The following SMG6 variants were observed in gnomAD, a reference collection of about 807,000 sequenced individuals.
SMG6 encodes the protein SMG6 nonsense mediated mRNA decay factor.
In SMG6, 66 loss-of-function variants were observed where a neutral mutation model predicts 142.2. The ratio of observed to expected loss-of-function variants is 0.46; its 90% CI spans 0.38 to 0.57. The LOEUF (loss-of-function observed/expected upper bound fraction) is 0.57. Among genes scored for constraint, SMG6 ranks in the 20% least tolerant of loss-of-function variants. SMG6 has a pLI of 0.00. For missense variants in SMG6, 1,793 were observed against 1,832.0 expected, an observed-to-expected ratio of 0.98 and a Z score of 0.39; for synonymous variants, 779 against 702.4, an observed-to-expected ratio of 1.11 and a Z score of -1.72.
intron 9 of SMG6, chr17:2,237,138 G>C (rs1459852075): frequency 6.6e-6 from 1 of 150,844 alleles, no homozygotes; most frequent in Non-Finnish European, 1.5e-5. Context: ...CCCAATCTCG[G>C]CTCACTGCAA....
chr17:2,206,888 A>AAAT (rs902149775), intron 10 of SMG6, among the ~76,000 whole-genome samples: 1 of 151,718 alleles, frequency 6.6e-6, no homozygotes, highest in African/African-American at 2.4e-5. Context: ...ACACCTTCTC[A>AAAT]AATAATAATA....
intron 13 of SMG6, among the ~76,000 whole-genome samples, chr17:2,172,197 C>G (rs559190796): frequency 6.6e-6 from 1 of 151,712 alleles, no homozygotes; most frequent in East Asian, 1.9e-4. Context: ...GTTTTTTTTT[C>G]TAAGTTAACA....
At chr17:2,196,385 G>A (rs753545127) in intron 10 of SMG6, among the ~76,000 whole-genome samples, 48 of 152,186 alleles carry the variant, frequency 3.2e-4, no homozygotes, top group Non-Finnish European at 5.7e-4. Flanking sequence ...CCGAGAATGC[G>A]TCATTGCGCT....
chr17:2,165,865 A>G (rs1227098320), intron 13 of SMG6, among the ~76,000 whole-genome samples: 1 of 152,110 alleles, frequency 6.6e-6, no homozygotes, highest in African/African-American at 2.4e-5. Flanking sequence ...TGATCACACC[A>G]CTGCATTCCA....
At chr17:2,186,521 T>G in intron 12 of SMG6, 142 bp downstream of exon 12, 2 of 891,334 alleles carry the variant, frequency 2.2e-6, no homozygotes, top group Non-Finnish European at 3.4e-6. Flanking sequence ...GGGAAGGTAT[T>G]CAAAAAAAGT....
intron 10 of SMG6, among the ~76,000 whole-genome samples, chr17:2,231,982 C>T (rs753632398): frequency 2.0e-5 from 3 of 151,516 alleles, no homozygotes; most frequent in South Asian, 4.2e-4. Context: ...GATTTATAGG[C>T]GGTATAATCC....
chr17:2,270,443 T>C (rs1443800496), intron 8 of SMG6, among the ~76,000 whole-genome samples: 1 of 151,626 alleles, frequency 6.6e-6, no homozygotes, highest in African/African-American at 2.4e-5. Context: ...CCTTCCTCTA[T>C]GAAAAATAAA....
chr17:2,243,836 C>T (rs1327257057), intron 9 of SMG6, among the ~76,000 whole-genome samples: 2 of 152,150 alleles, frequency 1.3e-5, no homozygotes, highest in Admixed American at 6.5e-5. Context: ...ATATTAGAAT[C>T]CAGTAGAAAA....
At chr17:2,087,264 C>G (rs936984109) in intron 13 of SMG6, 8 of 1,283,772 alleles carry the variant, frequency 6.2e-6, no homozygotes, top group Admixed American at 4.6e-5. Flanking sequence ...CTGGGTACCA[C>G]AGAGAGCAGA....
chr17:2,257,847 C>CA (rs1445580045), intron 8 of SMG6, among the ~76,000 whole-genome samples: 3 of 150,914 alleles, frequency 2.0e-5, no homozygotes, highest in Non-Finnish European at 3.0e-5. Context: ...CCCATCTCTA[C>CA]AAAAAAATAC....
At chr17:2,122,186 G>A (rs529437748) in intron 13 of SMG6, among the ~76,000 whole-genome samples, 3 of 152,142 alleles carry the variant, frequency 2.0e-5, no homozygotes, top group Non-Finnish European at 4.4e-5. Context: ...GGGAGAGAGA[G>A]AAATAAACAG....
chr17:2,174,995 G>T (rs1468550501), intron 12 of SMG6, among the ~76,000 whole-genome samples: 1 of 152,076 alleles, frequency 6.6e-6, no homozygotes, highest in East Asian at 1.9e-4. Flanking sequence ...TTATCCTCCG[G>T]TCCCGGCTGC....
intron 10 of SMG6, among the ~76,000 whole-genome samples, chr17:2,194,733 A>C (rs1210431290): frequency 6.6e-6 from 1 of 151,854 alleles, no homozygotes; most frequent in African/African-American, 2.4e-5. Context: ...AGAAAGAAAC[A>C]TCAAAAGAGG....
Position 2,282,773 on chromosome 17 carries a change from A to G in SMG6, c.2535T>C (p.His845=), listed in dbSNP as rs768030256. The change falls in exon 8 of 19, where the codon CAT becomes CAC. Residue 845 remains histidine (H), a synonymous_variant. Transcript: ENST00000263073. ...WRKGKKSTFR[H]VGDDTTRLEI... is the part of the protein sequence containing the mutation. ...CCAGGCGAGTGGTGTCATCTCCAAC[A>G]TGCCGGAAAGTAGACTTCTTTCCTT... 10 of 1,614,062 alleles carry G rather than the reference A, an allele frequency of 6.2e-6. No individual in the cohort carries two copies. The highest frequency in any genetic ancestry group is 2.5e-6 in the Non-Finnish European group (3 of 1,180,040).
intron 13 of SMG6, among the ~76,000 whole-genome samples, chr17:2,146,308 T>TTG (rs2070667070): frequency 6.6e-6 from 1 of 152,144 alleles, no homozygotes; most frequent in Admixed American, 6.5e-5. Flanking sequence ...TGAGCAGACT[T>TTG]TGTGACCATT....
intron 12 of SMG6, among the ~76,000 whole-genome samples, chr17:2,185,257 G>A (rs1411250246): frequency 2.0e-5 from 3 of 151,868 alleles, no homozygotes; most frequent in African/African-American, 7.3e-5. Flanking sequence ...CTAGACAAGC[G>A]CCCAGAGGCA....
At chr17:2,213,721 G>C (rs558971981) in intron 10 of SMG6, 4 of 152,316 alleles carry the variant, frequency 2.6e-5, no homozygotes, top group Non-Finnish European at 5.9e-5. Flanking sequence ...GATGGGCACT[G>C]CACAGACTGT....
At chr17:2,206,936 T>C (rs1434431874) in intron 10 of SMG6, among the ~76,000 whole-genome samples, 1 of 150,032 alleles carries the variant, frequency 6.7e-6, no homozygotes, top group Non-Finnish European at 1.5e-5. Context: ...CAAATAAAGA[T>C]GAAAGTAAAA....
chr17:2,103,331 G>A (rs920224323), intron 13 of SMG6, among the ~76,000 whole-genome samples: 2 of 152,124 alleles, frequency 1.3e-5, no homozygotes, highest in South Asian at 2.1e-4. Flanking sequence ...TTCAGAATGC[G>A]AACTAACAGT....
Sources: gnomAD v4.1 joint callset for allele counts (sites outside exome capture counted in the v4.1 genomes callset) on GRCh38, gnomAD v4.1.1 for gene constraint, MANE v1.5 for transcripts, NCBI Gene and HGNC (gene_info 2026-07-23, HGNC 2026-07-21) for gene names.